SYN3: variants seen among roughly 807,000 people sequenced by gnomAD.
SYN3 encodes the protein synapsin III.
SYN3 carries 35 observed loss-of-function variants against 65.8 expected under a neutral mutation model. The observed-to-expected ratio is 0.53, with a 90% CI of 0.41 to 0.70. SYN3 has a LOEUF of 0.70. SYN3 is among the 30% of genes least tolerant of loss of function. The pLI is 0.00. For synonymous variants in SYN3, 270 were observed against 292.9 expected (o/e 0.92, Z 0.80); for missense variants, 680 against 749.0 (o/e 0.91, Z 1.08).
intron 6 of SYN3, 27 bp from the exon 7 acceptor site, chr22:32,596,763 T>G (rs753592503): frequency 4.4e-5 from 71 of 1,612,450 alleles, no homozygotes; most frequent in Non-Finnish European, 5.8e-5. Context: ...GAAGTCACTC[T>G]TAACATCTCA....
At chr22:33,017,266 T>C (rs2053483071) in intron 1 of SYN3, among the ~76,000 whole-genome samples, 1 of 152,240 alleles carries the variant, frequency 6.6e-6, no homozygotes, top group Non-Finnish European at 1.5e-5. Flanking sequence ...TCGGTCATTG[T>C]GTATTTGTCA....
At chr22:32,537,786 T>A (rs1262616095) in intron 9 of SYN3, among the ~76,000 whole-genome samples, 1 of 152,176 alleles carries the variant, frequency 6.6e-6, no homozygotes, top group Non-Finnish European at 1.5e-5. Flanking sequence ...ATCAACTAGC[T>A]CTGTGATCCT....
intron 2 of SYN3, among the ~76,000 whole-genome samples, chr22:32,994,183 A>T (rs2052810011): frequency 1.3e-5 from 2 of 152,114 alleles, no homozygotes; most frequent in African/African-American, 4.8e-5. Flanking sequence ...CACTGTGTGC[A>T]CATTGTCTCC....
rs773096391 is a variant in SYN3 at position 32,931,450 on chromosome 22, T to C, written c.401A>G (p.Tyr134Cys). ...GTCCACCATGCAGCCCCCGGTCACA[T>C]AGGCAGCTAGGTTCAACTCTGAGAA... ...AEFSELNLAA[Y>C]VTGGCMVDMQ... Residue 134 changes from tyrosine to cysteine, a missense_variant, in exon 4 of 14, where the codon TAT (tyrosine) becomes TGT (cysteine). Tyr to Cys is a radical substitution (Grantham distance 194). Coordinates refer to ENST00000358763, the MANE Select transcript of SYN3 (RefSeq NM_003490.4). 63 of 1,613,904 alleles carry C rather than the reference T, an allele frequency of 3.9e-5. No individual in the cohort carries two copies. The East Asian group carries it at 9.1e-4, about 23-fold the overall frequency.
chr22:32,786,276 C>T (rs1178338431), intron 6 of SYN3, among the ~76,000 whole-genome samples: 1 of 152,156 alleles, frequency 6.6e-6, no homozygotes, highest in African/African-American at 2.4e-5. Flanking sequence ...GCCTGTGTGC[C>T]TCCAGGGCTG....
In SYN3 at chr22:32,513,837, G is replaced by C. The variant is rs185906541; in HGVS notation, c.1611-13C>G. 1 of 1,614,064 alleles carries C rather than the reference G, an allele frequency of 6.2e-7. No homozygotes were observed. Among genetic ancestry groups the C allele is most frequent in the East Asian group, 2.2e-5 (1 of 44,886 alleles). ...GGACTGAGATTTGCTGAAACAGAAA[G>C]GCAAGGGGGTTGAGGAAGACAAGGC... On this transcript the variant is annotated splice_polypyrimidine_tract_variant and intron_variant, in intron 13 of 13. Transcript: ENST00000358763.
At position 32,508,120 on chromosome 22, in the gene SYN3, G is replaced by T. The variant is rs182549067; in HGVS notation, c.*5572C>A. On this transcript the variant is annotated 3_prime_UTR_variant, in exon 14 of 14. Coordinates refer to ENST00000358763, the MANE Select transcript of SYN3 (RefSeq NM_003490.4). ...AGCCATCGCATCCCCTGTGACTTGC[G>T]CGTATACGCCCAGATGGCCTGAAGT... is the stretch of plus-strand genomic sequence containing the variant. 2.0e-5 allele frequency among the ~76,000 whole-genome samples: 3 copies of T among 152,100 alleles called. No homozygotes were observed. The highest frequency in any genetic ancestry group is 4.4e-5 in the Non-Finnish European group (3 of 68,020).
At chr22:32,894,692 T>A (rs1227610223) in intron 4 of SYN3, among the ~76,000 whole-genome samples, 1 of 152,232 alleles carries the variant, frequency 6.6e-6, no homozygotes, top group Non-Finnish European at 1.5e-5. Context: ...TTTAAACATC[T>A]GATTAAACGT....
chr22:32,518,402 AT>A, intron 12 of SYN3, 68 bp from the exon 13 acceptor site: 1 of 1,574,268 alleles, frequency 6.4e-7, no homozygotes, highest in South Asian at 1.1e-5. Flanking sequence ...CTGTACACAA[AT>A]AATGTTGCTT....
intron 4 of SYN3, among the ~76,000 whole-genome samples, chr22:32,910,274 G>A (rs1266068804): frequency 1.3e-5 from 2 of 152,196 alleles, no homozygotes; most frequent in East Asian, 3.9e-4. Context: ...ACAGATGAAA[G>A]TGTTTATAAC....
chr22:32,981,178 G>A (rs1348583057), intron 2 of SYN3, among the ~76,000 whole-genome samples: 2 of 151,800 alleles, frequency 1.3e-5, no homozygotes, highest in Non-Finnish European at 2.9e-5. Flanking sequence ...TTTATAGGTG[G>A]TGTGTGGTAG....
intron 6 of SYN3, among the ~76,000 whole-genome samples, chr22:32,782,649 C>G (rs1056978435): frequency 6.6e-6 from 1 of 151,932 alleles, no homozygotes; most frequent in Admixed American, 6.6e-5. Context: ...TCCCGAGTAG[C>G]TGGGACCACA....
chr22:32,565,046 A>G (rs1376416742), intron 7 of SYN3, among the ~76,000 whole-genome samples: 1 of 56,368 alleles, frequency 1.8e-5, no homozygotes, highest in South Asian at 6.4e-4. Flanking sequence ...CCAAACAGTG[A>G]TCTCAGACTG....
In SYN3 at chr22:32,508,545, C is replaced by T. The variant is rs550729782; in HGVS notation, c.*5147G>A. Among the ~76,000 whole-genome samples the T allele has an allele frequency of 2.6e-5, 4 of 152,264 alleles. 1 individual carries two copies. The highest frequency in any genetic ancestry group is 7.2e-5 in the African/African-American group (3 of 41,552). ...GTCTCATGTTCTCATTCTGCCTCCT[C>T]CCATTCCTCTTCAGATTCAGTTTGG... On this transcript the variant is annotated 3_prime_UTR_variant, in exon 14 of 14. Transcript: ENST00000358763.
At chr22:32,616,758 G>A (rs904607884) in intron 6 of SYN3, among the ~76,000 whole-genome samples, 1 of 152,132 alleles carries the variant, frequency 6.6e-6, no homozygotes, top group Non-Finnish European at 1.5e-5. Context: ...GAATTACGAA[G>A]AAAAAATGCT....
intron 4 of SYN3, among the ~76,000 whole-genome samples, chr22:32,909,612 C>T (rs1035991710): frequency 6.9e-6 from 1 of 144,040 alleles, no homozygotes; most frequent in Non-Finnish European, 1.5e-5. Flanking sequence ...GAATATACTG[C>T]CACCCCCGCC....
chr22:32,998,788 A>AAAAC (rs2052968126), intron 2 of SYN3, among the ~76,000 whole-genome samples: 1 of 140,672 alleles, frequency 7.1e-6, no homozygotes, highest in Admixed American at 7.2e-5. Flanking sequence ...AAAAAAAAAA[A>AAAAC]AAAAAAAAAA....
rs557935388 is a variant in SYN3, at chr22:32,914,821, G to T, written c.461+16569C>A. Among the ~76,000 whole-genome samples the T allele has an allele frequency of 2.0e-5, 3 of 152,268 alleles. No individual in the cohort carries two copies. In the South Asian group the frequency reaches 6.2e-4, roughly 32 times the overall value. Reference sequence around the variant, plus strand: ...TATCACATTATATGGCAAATAGTAAGAACTTGATACATGTTTGAAAACAAA... The same window carrying T: ...TATCACATTATATGGCAAATAGTAATAACTTGATACATGTTTGAAAACAAA... On this transcript the variant is annotated intron_variant, in intron 4 of 13. Coordinates refer to ENST00000358763, the MANE Select transcript of SYN3 (RefSeq NM_003490.4).
intron 6 of SYN3, among the ~76,000 whole-genome samples, chr22:32,603,235 G>A (rs2059310919): frequency 6.6e-6 from 1 of 151,940 alleles, no homozygotes; most frequent in South Asian, 2.1e-4. Flanking sequence ...AGCGCTGGCC[G>A]GGCGCGGTGG....
Sources: allele counts gnomAD v4.1 joint callset (sites outside exome capture counted in the v4.1 genomes callset), GRCh38; gene constraint gnomAD v4.1.1; transcripts MANE v1.5; gene names NCBI Gene and HGNC (gene_info 2026-07-23, HGNC 2026-07-21).